The following STK32B variants were observed in gnomAD, a reference collection of about 807,000 sequenced individuals.
STK32B encodes the protein serine/threonine kinase 32B.
In STK32B, 43 loss-of-function variants were observed where a neutral mutation model predicts 52.6. The observed-to-expected ratio is 0.82, with a 90% CI of 0.64 to 1.05. STK32B has a LOEUF of 1.05. Among genes scored for constraint, STK32B ranks in the 50% least tolerant of loss-of-function variants. The pLI is 0.00. For synonymous variants in STK32B, 238 were observed against 204.3 expected (o/e 1.17, Z -1.41); for missense variants, 621 against 534.6 (o/e 1.16, Z -1.59).
At chr4:5,192,701 A>G (rs150333443) in intron 3 of STK32B, among the ~76,000 whole-genome samples, 27 of 151,350 alleles carry the variant, frequency 1.8e-4, no homozygotes, top group Non-Finnish European at 3.5e-4. Context: ...CCCATCCACC[A>G]CCTCACACAG....
At chr4:5,031,873 G>A in the STK32B span, among the ~76,000 whole-genome samples, 3 of 152,290 alleles carry the variant, frequency 2.0e-5, no homozygotes, top group Middle Eastern at 3.4e-3. Context: ...GTTTCAGACA[G>A]AGTGGCTGCT....
chr4:5,150,429 T>C (rs1717253001), intron 2 of STK32B, among the ~76,000 whole-genome samples: 1 of 152,148 alleles, frequency 6.6e-6, no homozygotes, highest in Admixed American at 6.5e-5. Flanking sequence ...TAGTTTTGTC[T>C]TACATCCTGG....
chr4:5,174,728 C>A (rs1350793010), intron 3 of STK32B, among the ~76,000 whole-genome samples: 1 of 152,004 alleles, frequency 6.6e-6, no homozygotes, highest in African/African-American at 2.4e-5. Flanking sequence ...TCTGGCTGCC[C>A]TTAACATTTT....
Position 5,453,853 on chromosome 4 carries a change from C to T in STK32B, c.667-2954C>T, listed in dbSNP as rs186531668. The stretch of plus-strand genomic sequence containing the variant: ...CTGGCAGGTGGAGGTTGCAGTGAGC[C>T]GAGATCATACCATTGCACTCCAGTC... On this transcript the variant is annotated intron_variant, in intron 7 of 11. Coordinates refer to ENST00000282908, the MANE Select transcript of STK32B (RefSeq NM_018401.3). The surrounding 1 kb of genome is among the most constrained non-coding windows in gnomAD (Gnocchi z 4.0). Among the ~76,000 whole-genome samples the T allele has an allele frequency of 2.0e-5, 3 of 152,072 alleles. No individual in the cohort carries two copies. The highest frequency in any genetic ancestry group is 1.9e-4 in the East Asian group (1 of 5,158).
At chr4:5,138,733 C>T (rs1716227143) in intron 1 of STK32B, among the ~76,000 whole-genome samples, 1 of 152,138 alleles carries the variant, frequency 6.6e-6, no homozygotes, top group Non-Finnish European at 1.5e-5. Context: ...TCCACAGTGC[C>T]ATGAGAATGT....
At chr4:5,368,369 A>G (rs1290315252) in intron 4 of STK32B, among the ~76,000 whole-genome samples, 1 of 129,192 alleles carries the variant, frequency 7.7e-6, no homozygotes, top group African/African-American at 2.8e-5. Context: ...AGTTAGGTCT[A>G]CTATTATTCC....
intron 3 of STK32B, among the ~76,000 whole-genome samples, chr4:5,181,823 A>G (rs1160998533): frequency 6.6e-6 from 1 of 152,234 alleles, no homozygotes; most frequent in African/African-American, 2.4e-5. Context: ...GACTGATCAG[A>G]GCAGTGATTG....
the STK32B span, among the ~76,000 whole-genome samples, chr4:5,031,084 G>C: frequency 6.6e-6 from 1 of 152,150 alleles, no homozygotes. Flanking sequence ...TCCAGAGGCT[G>C]AATTTTCTTG....
chr4:5,472,601 C>T (rs75052767), intron 11 of STK32B, among the ~76,000 whole-genome samples: 2,576 of 152,236 alleles, frequency 0.017, 72 homozygotes, highest in African/African-American at 0.058. Flanking sequence ...TTTTCAATAG[C>T]ATTTGACATT....
intron 2 of STK32B, among the ~76,000 whole-genome samples, chr4:5,160,978 A>C (rs1718396236): frequency 6.6e-6 from 1 of 152,184 alleles, no homozygotes; most frequent in South Asian, 2.1e-4. Flanking sequence ...GGGAAGGAGC[A>C]GAGGTCGCTG....
rs1180717811 is a variant in STK32B, at chr4:5,498,964, C to T, written c.1126C>T (p.Gln376Ter). ...TTGCAGGCTCAGGAGGCAGCAGGGA[C>T]AGGGCAGCCAGCTCTTGGACACCGA... ...NREKLRRQQG[Q>*]GSQLLDTDSR... Residue 376 changes from glutamine to a stop codon, truncating the protein, a stop_gained, in exon 12 of 12, where the codon CAG (glutamine) becomes TAG (stop). Coordinates refer to ENST00000282908, the MANE Select transcript of STK32B (RefSeq NM_018401.3). LOFTEE classifies it high-confidence loss of function. 3.1e-6 allele frequency: 5 copies of T among 1,613,008 alleles called. No individual in the cohort carries two copies. The highest frequency in any genetic ancestry group is 4.2e-6 in the Non-Finnish European group (5 of 1,179,386).
In STK32B at chr4:5,058,275, A is replaced by C. The variant is rs115297465; in HGVS notation, c.52+6360A>C. Among the ~76,000 whole-genome samples, 22 of 152,326 alleles carry C rather than the reference A, an allele frequency of 1.4e-4. No homozygotes were observed. The highest frequency in any genetic ancestry group is 7.2e-4 in the Admixed American group (11 of 15,308). ...CCTTTACTTTTCATGCACACACACA[A>C]AATTATACCTCCTTGTCCCCTTGAA... On this transcript the variant is annotated intron_variant, in intron 1 of 11. Coordinates refer to ENST00000282908, the MANE Select transcript of STK32B (RefSeq NM_018401.3). The surrounding 1 kb of genome is among the most constrained non-coding windows in gnomAD (Gnocchi z 4.8).
intron 1 of STK32B, among the ~76,000 whole-genome samples, chr4:5,079,021 C>T (rs574331537): frequency 1.4e-4 from 22 of 152,234 alleles, no homozygotes; most frequent in African/African-American, 4.6e-4. Context: ...AAGAAAAAAG[C>T]GTTCTCATCA....
chr4:5,195,091 AC>A (rs1203920168), intron 3 of STK32B, among the ~76,000 whole-genome samples: 3 of 152,080 alleles, frequency 2.0e-5, no homozygotes, highest in Non-Finnish European at 4.4e-5. Context: ...GCTTTTCTAG[AC>A]AGGGTTGTCT....
In STK32B at chr4:5,446,769, G is replaced by C; in HGVS notation, c.659G>C (p.Arg220Pro). The part of the protein sequence containing the change: ...SLGITAYELL[R>P]GWRPYEIHSV... ...GGCATCACAGCCTATGAGCTGCTGC[G>C]GGGCTGGGTAAGACAGGCACCTGTG... is the stretch of plus-strand genomic sequence containing the variant. The change falls in exon 7 of 12, where the codon CGG becomes CCG. Residue 220 changes from arginine to proline, a missense_variant. Transcript: ENST00000282908. 3 of 1,613,982 alleles carry C rather than the reference G, an allele frequency of 1.9e-6. No individual in the cohort carries two copies. The highest frequency in any genetic ancestry group is 1.1e-5 in the South Asian group (1 of 91,066).
chr4:5,284,556 C>G (rs1728422198), intron 3 of STK32B, among the ~76,000 whole-genome samples: 1 of 151,920 alleles, frequency 6.6e-6, no homozygotes, highest in Non-Finnish European at 1.5e-5. Context: ...ACACACAAAC[C>G]CTTACAGACC....
chr4:5,141,533 G>A (rs1179786589), intron 2 of STK32B, among the ~76,000 whole-genome samples: 2 of 152,114 alleles, frequency 1.3e-5, no homozygotes, highest in African/African-American at 4.8e-5. Context: ...GGGGGTTTCT[G>A]GGGGAGGAGT....
the STK32B span, among the ~76,000 whole-genome samples, chr4:5,033,548 G>A: frequency 6.6e-6 from 1 of 152,228 alleles, no homozygotes; most frequent in Admixed American, 6.5e-5. Flanking sequence ...GCAGTGTTAA[G>A]TGTGAGCAAT....
chr4:5,138,608 G>GA (rs775289722), intron 1 of STK32B, among the ~76,000 whole-genome samples: 1 of 152,014 alleles, frequency 6.6e-6, no homozygotes, highest in East Asian at 1.9e-4. Context: ...GGGTACAACA[G>GA]AAAAAAATAA....
Sources: gnomAD v4.1 joint callset for allele counts (sites outside exome capture counted in the v4.1 genomes callset) on GRCh38, gnomAD v4.1.1 for gene constraint, Gnocchi (gnomAD v3.1) non-coding constraint, MANE v1.5 for transcripts, NCBI Gene and HGNC (gene_info 2026-07-23, HGNC 2026-07-21) for gene names.